CARNMT1: variants seen among roughly 807,000 people sequenced by gnomAD.
The protein encoded by CARNMT1 is carnosine N-methyltransferase 1.
CARNMT1 carries 28 observed loss-of-function variants against 49.6 expected under a neutral mutation model. The ratio of observed to expected loss-of-function variants is 0.56; its 90% CI spans 0.42 to 0.77. The LOEUF (loss-of-function observed/expected upper bound fraction) is 0.77. Ranked by LOEUF, CARNMT1 falls within the 30% of genes least tolerant of loss-of-function variation. The pLI, the probability that CARNMT1 is intolerant of heterozygous loss-of-function variation, is 0.00. For synonymous variants in CARNMT1, 178 were observed against 175.0 expected, an observed-to-expected ratio of 1.02 and a Z score of -0.13; for missense variants, 421 against 512.6, an observed-to-expected ratio of 0.82 and a Z score of 1.73.
At chr9:75,002,660 CA>C (rs1234163500) in intron 3 of CARNMT1, among the ~76,000 whole-genome samples, 2 of 151,840 alleles carry the variant, frequency 1.3e-5, no homozygotes, top group Admixed American at 1.3e-4. Flanking sequence ...CAGAGGCAGT[CA>C]AAAAAAATTT....
chr9:75,011,499 A>G (rs1008280193), intron 3 of CARNMT1, among the ~76,000 whole-genome samples: 1 of 152,178 alleles, frequency 6.6e-6, no homozygotes, highest in Admixed American at 6.5e-5. Context: ...CCTCCAGAGT[A>G]GCCAGGACTA....
chr9:75,009,054 G>T (rs1833606013), intron 3 of CARNMT1, among the ~76,000 whole-genome samples: 1 of 145,382 alleles, frequency 6.9e-6, no homozygotes, highest in Non-Finnish European at 1.5e-5. Context: ...ATCGGGAAAG[G>T]ACAGTCTTTT....
At chr9:75,005,827 AACACACACACACACACACACACACACAC>A (rs10569961) in intron 3 of CARNMT1, among the ~76,000 whole-genome samples, 12 of 135,688 alleles carry the variant, frequency 8.8e-5, no homozygotes, top group Admixed American at 8.3e-4. Flanking sequence ...GTGAAATTAA[AACACACACACACACACACACACACACAC>A]ACACACACAC....
intron 2 of CARNMT1, chr9:75,016,710 C>T (rs113860458): frequency 2.4e-5 from 8 of 336,884 alleles, no homozygotes; most frequent in African/African-American, 8.5e-5. Context: ...CTATGGAGAC[C>T]GAACATCCTC....
intron 1 of CARNMT1, among the ~76,000 whole-genome samples, chr9:75,022,259 T>C (rs991305802): frequency 7.2e-6 from 1 of 139,678 alleles, no homozygotes; most frequent in Non-Finnish European, 1.5e-5. Flanking sequence ...AGTCTCACTC[T>C]GTCACCTAGG....
intron 5 of CARNMT1, among the ~76,000 whole-genome samples, chr9:74,997,538 A>T (rs1174743841): frequency 1.3e-5 from 2 of 151,980 alleles, no homozygotes; most frequent in Non-Finnish European, 2.9e-5. Flanking sequence ...TGCTTACTAC[A>T]GCCTAGCTCC....
At chr9:75,025,500 T>A (rs1822498150) in intron 1 of CARNMT1, among the ~76,000 whole-genome samples, 1 of 152,224 alleles carries the variant, frequency 6.6e-6, no homozygotes, top group Admixed American at 6.5e-5. Flanking sequence ...TGTGTTTGTG[T>A]AAGTTTTGAT....
intron 3 of CARNMT1, among the ~76,000 whole-genome samples, chr9:75,005,717 C>T (rs186978286): frequency 3.9e-5 from 6 of 152,070 alleles, no homozygotes; most frequent in African/African-American, 2.4e-5. Context: ...TCGTGATCCA[C>T]CCACCTCCGC....
At chr9:75,015,419 T>C (rs1833816300) in intron 3 of CARNMT1, among the ~76,000 whole-genome samples, 1 of 152,214 alleles carries the variant, frequency 6.6e-6, no homozygotes, top group Admixed American at 6.6e-5. Flanking sequence ...ATTTACTTTT[T>C]AAATATTTTG....
intron 3 of CARNMT1, among the ~76,000 whole-genome samples, chr9:75,010,826 T>TGGTGGGGAGAAC (rs1270082578): frequency 6.6e-6 from 1 of 151,274 alleles, no homozygotes; most frequent in African/African-American, 2.4e-5. Context: ...GTGGGGAGAA[T>TGGTGGGGAGAAC]GGGGAGTAAC....
rs1182320313 is a variant in CARNMT1 at position 74,981,475 on chromosome 9, T to C, written c.*2292A>G. ...AATAAATCCTCCAGTGATACTTCTA[T>C]TATTGATTGATACCACATTTTCAAG... On this transcript the variant is annotated 3_prime_UTR_variant, in exon 8 of 8. Coordinates refer to ENST00000376834, the MANE Select transcript of CARNMT1 (RefSeq NM_152420.3). 1 of 152,164 alleles carries C rather than the reference T, an allele frequency of 6.6e-6. No individual in the cohort carries two copies. Among genetic ancestry groups the C allele is most frequent in the Non-Finnish European group, 1.5e-5 (1 of 67,984 alleles). 9.4% of individuals were successfully genotyped at this position (152,164 alleles called of 1,614,324 possible).
chr9:74,988,055 GTTCT>G (rs1037088445), intron 6 of CARNMT1, among the ~76,000 whole-genome samples: 1 of 151,740 alleles, frequency 6.6e-6, no homozygotes, highest in Non-Finnish European at 1.5e-5. Context: ...ATGTCTCTTC[GTTCT>G]TTTTTTCTTT....
chr9:75,024,949 T>C (rs1444614476), intron 1 of CARNMT1, among the ~76,000 whole-genome samples: 1 of 152,208 alleles, frequency 6.6e-6, no homozygotes, highest in Non-Finnish European at 1.5e-5. Flanking sequence ...TTACGTACTA[T>C]ATTCTTACAA....
At chr9:74,992,484 T>C (rs1380959003) in intron 6 of CARNMT1, among the ~76,000 whole-genome samples, 1 of 152,148 alleles carries the variant, frequency 6.6e-6, no homozygotes, top group Non-Finnish European at 1.5e-5. Context: ...AATTTATCAG[T>C]GGATACATAC....
chr9:74,999,985 C>A, intron 3 of CARNMT1, 115 bp from the exon 4 acceptor site: 2 of 852,736 alleles, frequency 2.3e-6, no homozygotes, highest in Non-Finnish European at 3.5e-6. Flanking sequence ...AGCTAAGACT[C>A]TGACTTCTCA....
chr9:74,996,405 C>A, intron 6 of CARNMT1, 42 bp downstream of exon 6: 1 of 967,766 alleles, frequency 1.0e-6, no homozygotes, highest in South Asian at 1.4e-5. Context: ...TGTAAGTACT[C>A]AGATTAATAT....
At position 74,999,823 on chromosome 9, in the gene CARNMT1, C is replaced by A; in HGVS notation, c.638G>T (p.Arg213Ile). ...NILVPGAGLG[R>I]LAWEIAMLGY... The stretch of plus-strand genomic sequence containing the variant: ...TAGCATAGCTATTTCCCAGGCCAGT[C>A]TTCCTAGTCCAGCACCAGGTACCAG... Residue 213 changes from arginine (R) to isoleucine (I), a missense_variant, in exon 4 of 8, where the codon AGA (arginine) becomes ATA (isoleucine). Physicochemically the swap from Arg to Ile is moderately conservative, Grantham distance 97 (BLOSUM62 -3). Around this residue, in one of 2 missense-constraint regions of CARNMT1, gnomAD observed 235 missense variants for 344.8 expected, o/e 0.68. Transcript: ENST00000376834. The A allele has an allele frequency of 6.2e-7, 1 of 1,612,470 alleles. No homozygotes were observed. The highest frequency in any genetic ancestry group is 8.5e-7 in the Non-Finnish European group (1 of 1,179,122).
chr9:74,987,057 T>A (rs1010374774), intron 6 of CARNMT1, among the ~76,000 whole-genome samples: 2 of 152,240 alleles, frequency 1.3e-5, no homozygotes, highest in Non-Finnish European at 2.9e-5. Context: ...TACAAAGATG[T>A]TTCTTGAAGG....
chr9:74,986,526 G>C (rs536439193), intron 6 of CARNMT1, among the ~76,000 whole-genome samples: 105 of 152,298 alleles, frequency 6.9e-4, no homozygotes, highest in Non-Finnish European at 1.5e-3. Context: ...TAAGAATGCA[G>C]AGCCTCACAG....
Sources: allele counts gnomAD v4.1 joint callset (sites outside exome capture counted in the v4.1 genomes callset), GRCh38; gene constraint gnomAD v4.1.1; regional missense constraint gnomAD v4.1.1; transcripts MANE v1.5; gene names NCBI Gene and HGNC (gene_info 2026-07-23, HGNC 2026-07-21).